HCLS1: variants seen among roughly 807,000 people sequenced by gnomAD.
HCLS1 encodes hematopoietic cell-specific Lyn substrate 1.
In HCLS1, 44 loss-of-function variants were observed where a neutral mutation model predicts 68.6. That is an observed-to-expected ratio of 0.64 (90% CI 0.50 to 0.82). The LOEUF (loss-of-function observed/expected upper bound fraction) is 0.82, where lower values mean the gene tolerates loss of function less well. Ranked by LOEUF, HCLS1 falls within the 40% of genes least tolerant of loss-of-function variation. The pLI is 0.00. For synonymous variants in HCLS1, 217 were observed against 225.8 expected, an observed-to-expected ratio of 0.96 and a Z score of 0.35; for missense variants, 602 against 612.1, an observed-to-expected ratio of 0.98 and a Z score of 0.17.
chr3:121,650,263 T>C (rs1937716578), intron 3 of HCLS1, among the ~76,000 whole-genome samples: 1 of 152,190 alleles, frequency 6.6e-6, no homozygotes, highest in Admixed American at 6.5e-5. Flanking sequence ...ATCTATAGAT[T>C]CAATGCAATC....
intron 8 of HCLS1, 132 bp from the exon 9 acceptor site, chr3:121,635,936 ATG>A (rs2049147058): frequency 1.5e-6 from 1 of 684,850 alleles, no homozygotes; most frequent in Non-Finnish European, 2.6e-6. Flanking sequence ...GCTGGACAGC[ATG>A]TTCCAATGTT....
chr3:121,655,323 C>T (rs1347484656), intron 3 of HCLS1, among the ~76,000 whole-genome samples: 11 of 152,076 alleles, frequency 7.2e-5, no homozygotes, highest in Admixed American at 1.3e-4. Context: ...TAACAGGAAA[C>T]AAAACTAACA....
chr3:121,635,816 A>T lies in HCLS1; in HGVS notation c.622-12T>A, dbSNP rs772773713. 2 of 1,613,144 alleles carry T rather than the reference A, an allele frequency of 1.2e-6. No homozygotes were observed. ...AAGCCGACAGCGCTCTGCAGGCAGG[A>T]GAACAGCATGTGTGTTGCGGGAGAG... is the stretch of plus-strand genomic sequence containing the variant. On this transcript the variant is annotated splice_polypyrimidine_tract_variant and intron_variant, in intron 8 of 13. Coordinates refer to ENST00000314583, the MANE Select transcript of HCLS1 (RefSeq NM_005335.6).
At chr3:121,658,155 C>T (rs1937915009) in intron 2 of HCLS1, 109 bp downstream of exon 2, 2 of 800,782 alleles carry the variant, frequency 2.5e-6, no homozygotes, top group Middle Eastern at 2.9e-4. Context: ...AGGGCTGTCT[C>T]AGTCCTAGAA....
Position 121,635,803 on chromosome 3 carries a change from C to T in HCLS1, c.623G>A (p.Ser208Asn), listed in dbSNP as rs1318060084. ...CTCCATTTCATTGAAGCCGACAGCG[C>T]TCTGCAGGCAGGAGAACAGCATGTG... ...YGIQKDRVDK[S>N]AVGFNEMEAP... Residue 208 changes from serine to asparagine, a missense_variant and splice_region_variant, in exon 9 of 14, where the codon AGC becomes AAC. Ser to Asn is a conservative substitution (Grantham distance 46). Transcript: ENST00000314583. 6 of 1,613,832 alleles carry T rather than the reference C, an allele frequency of 3.7e-6. No homozygotes were observed. Among genetic ancestry groups the T allele is most frequent in the Non-Finnish European group, 5.1e-6 (6 of 1,179,944 alleles).
At chr3:121,633,042 A>C in intron 11 of HCLS1, 25 bp downstream of exon 11, 2 of 1,481,834 alleles carry the variant, frequency 1.3e-6, no homozygotes, top group Non-Finnish European at 1.9e-6. Context: ...GGGTGGGGGC[A>C]GAGAATCTTT....
intron 3 of HCLS1, among the ~76,000 whole-genome samples, chr3:121,656,687 T>A (rs541956170): frequency 5.5e-4 from 84 of 152,378 alleles, no homozygotes; most frequent in Non-Finnish European, 9.0e-4. Context: ...CATTTCTTCA[T>A]ATTACCATTC....
chr3:121,632,089 C>T lies in HCLS1; in HGVS notation c.1324+12G>A, dbSNP rs528332003. 2 of 1,614,016 alleles carry T rather than the reference C, an allele frequency of 1.2e-6. No homozygotes were observed. The highest frequency in any genetic ancestry group is 4.5e-5 in the East Asian group (2 of 44,878). ...TCCATGTACCAGGCTCCTCGGGCCA[C>T]TCCCAACCTACCTCCTTGGTAATCA... On this transcript the variant is annotated intron_variant, in intron 13 of 13. Transcript: ENST00000314583.
chr3:121,633,212 T>A (rs2049117302), intron 10 of HCLS1, 41 bp from the exon 11 acceptor site: 3 of 1,283,666 alleles, frequency 2.3e-6, no homozygotes, highest in Non-Finnish European at 3.3e-6. Flanking sequence ...CAAGCCTCCA[T>A]CTTCACTCCT....
At chr3:121,650,642 C>T (rs763927682) in intron 3 of HCLS1, among the ~76,000 whole-genome samples, 4 of 152,150 alleles carry the variant, frequency 2.6e-5, no homozygotes, top group Non-Finnish European at 5.9e-5. Flanking sequence ...ACAGAAAAGT[C>T]TACTTGAAAT....
intron 2 of HCLS1, 159 bp downstream of exon 2, chr3:121,658,105 C>G (rs2107481833): frequency 1.6e-6 from 1 of 640,248 alleles, no homozygotes; most frequent in East Asian, 2.7e-5. Flanking sequence ...GCATGCCCCA[C>G]AGGTGACAGC....
At chr3:121,652,051 A>T (rs1285522553) in intron 3 of HCLS1, among the ~76,000 whole-genome samples, 1 of 152,246 alleles carries the variant, frequency 6.6e-6, no homozygotes, top group Admixed American at 6.5e-5. Flanking sequence ...GGGACACTAC[A>T]TGACAATATA....
At chr3:121,650,998 T>A (rs1937738793) in intron 3 of HCLS1, among the ~76,000 whole-genome samples, 1 of 151,978 alleles carries the variant, frequency 6.6e-6, no homozygotes. Flanking sequence ...TAGCTGGGCT[T>A]GGTGGTGGGC....
At chr3:121,658,175 C>T in intron 2 of HCLS1, 89 bp downstream of exon 2, 2 of 996,144 alleles carry the variant, frequency 2.0e-6, no homozygotes, top group Non-Finnish European at 3.2e-6. Context: ...AGGCCCTTTT[C>T]CAAGCATCCT....
In HCLS1 at chr3:121,646,186, T is replaced by C. The variant is rs1206869398; in HGVS notation, c.288+1133A>G. On this transcript the variant is annotated intron_variant, in intron 4 of 13. Coordinates refer to ENST00000314583, the MANE Select transcript of HCLS1 (RefSeq NM_005335.6). ...ATATCTTATAATTAATATATAATAA[T>C]ATAATATTAAATATATTATTTATAT... is the stretch of plus-strand genomic sequence containing the variant. Among the ~76,000 whole-genome samples, 4 of 110,666 alleles carry C rather than the reference T, an allele frequency of 3.6e-5. No homozygotes were observed. The East Asian group carries it at 1.3e-3, about 35-fold the overall frequency. 72.6% of individuals were successfully genotyped at this position (110,666 alleles called of 152,430 possible).
chr3:121,640,663 G>A (rs1477355450), intron 6 of HCLS1, among the ~76,000 whole-genome samples: 1 of 151,532 alleles, frequency 6.6e-6, no homozygotes, highest in Admixed American at 6.6e-5. Context: ...GGTGGCTCAT[G>A]CCTGTAATCC....
In HCLS1 at chr3:121,632,326, A is replaced by G; in HGVS notation, c.1240+6T>C. The G allele has an allele frequency of 6.2e-7, 1 of 1,613,044 alleles. No homozygotes were observed. On this transcript the variant is annotated splice_donor_region_variant and intron_variant, in intron 12 of 13. Coordinates refer to ENST00000314583, the MANE Select transcript of HCLS1 (RefSeq NM_005335.6). ...AAATTCTCCTGCTTCTCCTCCCATC[A>G]CTCACCAGCCAGAGCAGAAGAAAAA...
chr3:121,632,736 C>A (rs1158169353), intron 11 of HCLS1, among the ~76,000 whole-genome samples, 173 bp from the exon 12 acceptor site: 1 of 152,152 alleles, frequency 6.6e-6, no homozygotes, highest in Non-Finnish European at 1.5e-5. Context: ...ATTCTTCAAT[C>A]TCCTCCCACA....
At chr3:121,658,118 A>G (rs1192779216) in intron 2 of HCLS1, 146 bp downstream of exon 2, 1 of 666,734 alleles carries the variant, frequency 1.5e-6, no homozygotes, top group South Asian at 1.8e-5. Context: ...GTGACAGCCA[A>G]TTGTCCTACC....
Sources: allele counts gnomAD v4.1 joint callset (sites outside exome capture counted in the v4.1 genomes callset), GRCh38; gene constraint gnomAD v4.1.1; transcripts MANE v1.5; gene names NCBI Gene and HGNC (gene_info 2026-07-23, HGNC 2026-07-21).